Variants in GABRB1 observed in about 807,000 individuals in gnomAD.
The protein encoded by GABRB1 is gamma-aminobutyric acid type A receptor subunit beta1, also known as gamma-aminobutyric acid receptor subunit beta-1.
A neutral mutation model predicts 51.6 loss-of-function variants in GABRB1; 17 were observed. That is an observed-to-expected ratio of 0.33 (90% CI 0.23 to 0.49). The LOEUF is 0.49. Among genes scored for constraint, GABRB1 ranks in the 20% least tolerant of loss-of-function variants. The pLI, the probability that GABRB1 is intolerant of heterozygous loss-of-function variation, is 0.99. For synonymous variants in GABRB1, 247 were observed against 218.9 expected (o/e 1.13, Z -1.14); for missense variants, 410 against 600.6 (o/e 0.68, Z 3.32).
At chr4:47,107,538 T>G (rs1577914222) in intron 3 of GABRB1, among the ~76,000 whole-genome samples, 2 of 152,120 alleles carry the variant, frequency 1.3e-5, no homozygotes, top group East Asian at 3.8e-4. Context: ...TTCTGCTACT[T>G]TCTATATGTG....
intron 3 of GABRB1, among the ~76,000 whole-genome samples, chr4:47,061,340 G>C (rs978528737): frequency 3.3e-5 from 5 of 152,174 alleles, no homozygotes; most frequent in African/African-American, 1.2e-4. Flanking sequence ...AAAGCTTTGA[G>C]AAGTGATGTT....
chr4:47,409,580 T>A (rs563061943), intron 8 of GABRB1, among the ~76,000 whole-genome samples: 24 of 152,368 alleles, frequency 1.6e-4, no homozygotes, highest in Non-Finnish European at 3.1e-4. Context: ...TCGGGGTTTA[T>A]ATGGGTACAG....
chr4:47,204,824 C>A (rs772792911), intron 4 of GABRB1, among the ~76,000 whole-genome samples: 3 of 152,132 alleles, frequency 2.0e-5, no homozygotes, highest in Non-Finnish European at 4.4e-5. Flanking sequence ...CTCCATTAAA[C>A]CTTTTTCCTT....
chr4:47,285,152 C>G (rs1003417867), intron 4 of GABRB1, among the ~76,000 whole-genome samples: 2 of 152,164 alleles, frequency 1.3e-5, no homozygotes, highest in African/African-American at 4.8e-5. Context: ...ACGTAGAGCA[C>G]AAATTGAAAA....
intron 1 of GABRB1, among the ~76,000 whole-genome samples, chr4:47,026,552 G>T (rs771159068): frequency 6.6e-6 from 1 of 151,820 alleles, no homozygotes; most frequent in African/African-American, 2.4e-5. Context: ...ATATATTACC[G>T]GTAACAGGCT....
intron 3 of GABRB1, among the ~76,000 whole-genome samples, chr4:47,151,193 T>C (rs895153439): frequency 1.3e-5 from 2 of 152,012 alleles, no homozygotes; most frequent in African/African-American, 4.8e-5. Flanking sequence ...CTAAAAGTTC[T>C]AAGGGATATC....
intron 4 of GABRB1, among the ~76,000 whole-genome samples, chr4:47,214,134 G>A (rs1248860633): frequency 2.0e-5 from 3 of 152,116 alleles, no homozygotes; most frequent in Non-Finnish European, 2.9e-5. Flanking sequence ...ATAATAGATG[G>A]TTGTTCTCCA....
chr4:47,307,854 G>A (rs1459407555), intron 4 of GABRB1, among the ~76,000 whole-genome samples: 1 of 151,812 alleles, frequency 6.6e-6, no homozygotes, highest in African/African-American at 2.4e-5. Flanking sequence ...CATTCTGTTA[G>A]TAATTAAAAA....
upstream of GABRB1, among the ~76,000 whole-genome samples, chr4:47,030,203 T>C (rs955642719): frequency 6.6e-6 from 1 of 152,204 alleles, no homozygotes; most frequent in Admixed American, 6.5e-5. Context: ...TTAAATAATG[T>C]TATGTACCTT....
chr4:47,308,593 C>T (rs1724552400), intron 4 of GABRB1, among the ~76,000 whole-genome samples: 1 of 152,026 alleles, frequency 6.6e-6, no homozygotes, highest in Admixed American at 6.6e-5. Context: ...TGACTGATTA[C>T]CTTTCAGTAA....
At chr4:47,398,821 C>T (rs868702693) in intron 5 of GABRB1, among the ~76,000 whole-genome samples, 21 of 151,830 alleles carry the variant, frequency 1.4e-4, no homozygotes, top group African/African-American at 5.1e-4. Flanking sequence ...GACGGAGTCT[C>T]GCTCTGTCAC....
At chr4:47,142,022 A>G (rs1716957679) in intron 3 of GABRB1, among the ~76,000 whole-genome samples, 1 of 151,970 alleles carries the variant, frequency 6.6e-6, no homozygotes, top group Admixed American at 6.6e-5. Context: ...GCATCAGTGA[A>G]TAAAATATAA....
intron 7 of GABRB1, among the ~76,000 whole-genome samples, chr4:47,405,849 T>A (rs1728550084): frequency 6.6e-6 from 1 of 152,172 alleles, no homozygotes; most frequent in Non-Finnish European, 1.5e-5. Flanking sequence ...AAAATATTTG[T>A]TATACAGCTA....
intron 4 of GABRB1, among the ~76,000 whole-genome samples, chr4:47,255,951 G>A (rs1396945043): frequency 6.6e-6 from 1 of 152,192 alleles, no homozygotes; most frequent in East Asian, 1.9e-4. Flanking sequence ...CACAGATCAT[G>A]GAATAACCTG....
At chr4:47,313,032 T>C (rs181755796) in intron 4 of GABRB1, among the ~76,000 whole-genome samples, 1 of 152,162 alleles carries the variant, frequency 6.6e-6, no homozygotes, top group Non-Finnish European at 1.5e-5. Flanking sequence ...AATAAATGAA[T>C]ACTACAGTGA....
At chr4:47,296,175 C>A (rs760176988) in intron 4 of GABRB1, among the ~76,000 whole-genome samples, 2 of 152,106 alleles carry the variant, frequency 1.3e-5, no homozygotes, top group African/African-American at 2.4e-5. Flanking sequence ...TAAAGACCAT[C>A]GAGGCTAGGA....
chr4:47,357,519 G>A (rs2110006099), intron 5 of GABRB1, among the ~76,000 whole-genome samples: 1 of 152,286 alleles, frequency 6.6e-6, no homozygotes, highest in Non-Finnish European at 1.5e-5. Context: ...CCTTGCAGCT[G>A]AGCATGAAGC....
chr4:47,174,792 G>T (rs1339730213), intron 4 of GABRB1, among the ~76,000 whole-genome samples: 1 of 152,046 alleles, frequency 6.6e-6, no homozygotes, highest in African/African-American at 2.4e-5. Context: ...GTATTTCAAA[G>T]GCTCCTGTTT....
At chr4:47,069,623 A>G (rs1727228848) in intron 3 of GABRB1, among the ~76,000 whole-genome samples, 1 of 152,060 alleles carries the variant, frequency 6.6e-6, no homozygotes, top group Admixed American at 6.6e-5. Flanking sequence ...CTACTCCTAA[A>G]ACACTTTTGT....
Sources: allele counts gnomAD v4.1 joint callset (sites outside exome capture counted in the v4.1 genomes callset), GRCh38; gene constraint gnomAD v4.1.1; transcripts MANE v1.5; gene names NCBI Gene and HGNC (gene_info 2026-07-23, HGNC 2026-07-21).